The following KCTD14 variants were observed in gnomAD, a reference collection of about 807,000 sequenced individuals.
The protein encoded by KCTD14 is BTB/POZ domain-containing protein KCTD14.
A neutral mutation model predicts 5.9 loss-of-function variants in KCTD14; 7 were observed. The observed-to-expected ratio is 1.19, with a 90% CI of 0.68 to 2.23. The LOEUF is 2.23. KCTD14 is among the 30% of genes most tolerant of loss of function. The pLI is 0.00. For missense variants in KCTD14, 342 were observed against 332.2 expected (o/e 1.03, Z -0.23); for synonymous variants, 140 against 133.1 (o/e 1.05, Z -0.36).
At chr11:78,023,006 G>C (rs925667444) in intron 1 of KCTD14, 154 bp downstream of exon 1, 4 of 598,866 alleles carry the variant, frequency 6.7e-6, no homozygotes, top group African/African-American at 1.9e-5. Context: ...AGATTGAAGA[G>C]AGCGACCAGC....
At chr11:78,029,484 T>A (rs1305442116) in intron 2 of KCTD14, among the ~76,000 whole-genome samples, 1 of 152,184 alleles carries the variant, frequency 6.6e-6, no homozygotes, top group Admixed American at 6.5e-5. Context: ...CACTGGTTGG[T>A]TCACAGGAAT....
chr11:78,036,820 T>C (rs1022486941), intron 2 of KCTD14, among the ~76,000 whole-genome samples: 6 of 152,238 alleles, frequency 3.9e-5, no homozygotes, highest in African/African-American at 1.4e-4. Context: ...GTGATCCTGG[T>C]GCTGAGCACA....
At chr11:78,033,213 A>G (rs1242976517) in intron 2 of KCTD14, among the ~76,000 whole-genome samples, 1 of 152,250 alleles carries the variant, frequency 6.6e-6, no homozygotes, top group African/African-American at 2.4e-5. Context: ...CAAAGACACT[A>G]TGTGCACAAG....
intron 1 of KCTD14, 150 bp from the exon 2 acceptor site, chr11:78,017,420 A>T: frequency 2.0e-6 from 2 of 1,001,320 alleles, no homozygotes; most frequent in Non-Finnish European, 2.8e-6. Flanking sequence ...AAAGAGGGTT[A>T]TATTTATGCT....
intron 1 of KCTD14, among the ~76,000 whole-genome samples, chr11:78,022,586 C>T (rs1207997646): frequency 8.5e-5 from 13 of 152,136 alleles, no homozygotes; most frequent in Admixed American, 7.9e-4. Context: ...CCCGAATGTT[C>T]TGCTCCCAGA....
chr11:78,017,319 G>A (rs369204256), intron 1 of KCTD14, 49 bp from the exon 2 acceptor site: 192 of 1,510,604 alleles, frequency 1.3e-4, no homozygotes, highest in Admixed American at 2.5e-4. Flanking sequence ...TCCCCTGAGC[G>A]CATTACTTAT....
chr11:78,036,131 C>A (rs1389167725), intron 2 of KCTD14, among the ~76,000 whole-genome samples: 2 of 152,174 alleles, frequency 1.3e-5, no homozygotes, highest in Non-Finnish European at 2.9e-5. Context: ...TGCACTCCAG[C>A]CTGCATGACA....
chr11:78,035,988 C>T (rs900509743), intron 2 of KCTD14, among the ~76,000 whole-genome samples: 17 of 151,878 alleles, frequency 1.1e-4, no homozygotes, highest in African/African-American at 3.1e-4. Flanking sequence ...GGTGAAACCC[C>T]GTCTCTACTA....
intron 2 of KCTD14, among the ~76,000 whole-genome samples, chr11:78,031,841 TCTGGTTTCACAGTGTGAC>T (rs1320277419): frequency 1.3e-5 from 2 of 152,184 alleles, no homozygotes; most frequent in African/African-American, 4.8e-5. Context: ...GAAATGAATA[TCTGGTTTCACAGTGTGAC>T]CAGTGCTCTG....
intron 1 of KCTD14, among the ~76,000 whole-genome samples, chr11:78,019,962 G>A (rs948371859): frequency 2.6e-5 from 4 of 152,154 alleles, no homozygotes; most frequent in African/African-American, 9.7e-5. Flanking sequence ...CATTCCCTTA[G>A]TGACTCATTC....
intron 1 of KCTD14, among the ~76,000 whole-genome samples, chr11:78,044,985 A>G (rs1199896100): frequency 6.6e-6 from 1 of 152,174 alleles, no homozygotes. Context: ...GAAATTGTTC[A>G]CATGCTCATT....
At chr11:78,040,252 C>G (rs571139769) in intron 1 of KCTD14, among the ~76,000 whole-genome samples, 24 of 152,318 alleles carry the variant, frequency 1.6e-4, no homozygotes, top group African/African-American at 5.8e-4. Context: ...TTTTTTCTGG[C>G]TGATTCAAAG....
Position 78,016,465 on chromosome 11 carries a change from A to T in KCTD14, c.*128T>A. On this transcript the variant is annotated 3_prime_UTR_variant, in exon 2 of 2. Transcript: ENST00000353172. ...GTCCTTAAACGAGTGATCAATATTT[A>T]GTGGCAAGACTCTAGACCAACCCTG... 1 of 736,662 alleles carries T rather than the reference A, an allele frequency of 1.4e-6. No individual in the cohort carries two copies. The highest frequency in any genetic ancestry group is 2.2e-6 in the Non-Finnish European group (1 of 454,672). The allele number at this position is 736,662 out of a possible 1,614,324, so 45.6% of individuals were successfully genotyped here. A position where few individuals can be genotyped will look rare whatever the true frequency, so the allele number is the denominator to read the frequency against.
chr11:78,045,249 CAT>C (rs1285140939), intron 1 of KCTD14, among the ~76,000 whole-genome samples: 4 of 152,298 alleles, frequency 2.6e-5, no homozygotes, highest in East Asian at 3.9e-4. Context: ...ACTACCAACA[CAT>C]GTCACCACGC....
chr11:78,044,302 G>A (rs1361094484), intron 1 of KCTD14, among the ~76,000 whole-genome samples: 1 of 152,120 alleles, frequency 6.6e-6, no homozygotes, highest in Non-Finnish European at 1.5e-5. Context: ...TGCTAGGAAG[G>A]GGCTGCACTG....
intron 1 of KCTD14, chr11:78,022,834 G>C (rs575996177): frequency 1.9e-5 from 5 of 262,440 alleles, no homozygotes; most frequent in Admixed American, 1.1e-4. Context: ...AGGAGGAGTC[G>C]TGGGCTAGGA....
Position 78,017,072 on chromosome 11 carries a change from G to A in KCTD14, c.289C>T (p.Gln97Ter). The change falls in exon 2 of 2, where the codon CAA becomes TAA. Residue 97 changes from glutamine to a stop codon, truncating the protein, a stop_gained. Coordinates refer to ENST00000353172, the MANE Select transcript of KCTD14 (RefSeq NM_023930.4). LOFTEE classifies it low-confidence loss of function (END_TRUNC). Reference protein sequence around the residue: ...RPILDYLRTGQVPTQHIPEVY... With the variant: ...RPILDYLRTG ...TCAGGGATGTGCTGTGTGGGCACTT[G>A]CCCAGTGCGCAGGTAGTCCAGGATG... 6.2e-7 allele frequency: 1 copy of A among 1,614,240 alleles called. No homozygotes were observed.
chr11:78,028,116 T>C (rs1045636201), upstream of KCTD14, among the ~76,000 whole-genome samples: 3 of 152,164 alleles, frequency 2.0e-5, no homozygotes, highest in African/African-American at 7.2e-5. Flanking sequence ...TTGTTTATAG[T>C]ACCGAGTATA....
upstream of KCTD14, among the ~76,000 whole-genome samples, chr11:78,024,397 AAT>A (rs1265061287): frequency 3.1e-5 from 4 of 130,946 alleles, no homozygotes; most frequent in Admixed American, 7.9e-5. Flanking sequence ...AAAAAAAAAA[AAT>A]ATATATATAT....
Sources: allele counts gnomAD v4.1 joint callset (sites outside exome capture counted in the v4.1 genomes callset), GRCh38; gene constraint gnomAD v4.1.1; transcripts MANE v1.5; gene names NCBI Gene and HGNC (gene_info 2026-07-23, HGNC 2026-07-21).